Variants in CHFR observed in about 807,000 individuals in gnomAD.
The protein encoded by CHFR is E3 ubiquitin-protein ligase CHFR.
In CHFR, 57 loss-of-function variants were observed where a neutral mutation model predicts 87.6. The observed-to-expected ratio is 0.65, with a 90% confidence interval of 0.53 to 0.81. The LOEUF is 0.81. CHFR is among the 30% of genes least tolerant of loss of function. CHFR has a pLI of 0.00. For missense variants in CHFR, 797 were observed against 865.8 expected (o/e 0.92, Z 1.00); for synonymous variants, 381 against 359.2 (o/e 1.06, Z -0.69).
chr12:132,878,987 G>GT (rs971216710), intron 2 of CHFR, among the ~76,000 whole-genome samples: 209 of 137,582 alleles, frequency 1.5e-3, no homozygotes, highest in Non-Finnish European at 1.5e-3. Flanking sequence ...ATAGGCATTT[G>GT]TTTTTTTTTT....
At chr12:132,866,582 CAACACACCA>C (rs1951345190) in intron 6 of CHFR, 1 of 83,266 alleles carries the variant, frequency 1.2e-5, no homozygotes, top group South Asian at 5.1e-4. Flanking sequence ...CAGAATGTTA[CAACACACCA>C]GAAAGTTACA....
Position 132,844,103 on chromosome 12 carries a change from A to G in CHFR, c.1767T>C (p.Cys589=). The change falls in exon 16 of 18, where the codon TGT becomes TGC. Residue 589 remains cysteine (C), a synonymous_variant. Coordinates refer to ENST00000450056, the MANE Select transcript of CHFR (RefSeq NM_001161346.2). ...DYRVTGDTVL[C]YCCGLRSFRE... Reference sequence around the variant, plus strand: ...GGAAGCTGCGCAGGCCACAGCAGTAACACAGAACGGTGTCTCCCGTGACTC... The same window carrying G: ...GGAAGCTGCGCAGGCCACAGCAGTAGCACAGAACGGTGTCTCCCGTGACTC... 2 of 1,613,704 alleles carry G rather than the reference A, an allele frequency of 1.2e-6. No homozygotes were observed. The highest frequency in any genetic ancestry group is 1.7e-6 in the Non-Finnish European group (2 of 1,179,634).
chr12:132,875,693 T>A (rs1951615383), intron 3 of CHFR, among the ~76,000 whole-genome samples: 1 of 152,096 alleles, frequency 6.6e-6, no homozygotes, highest in South Asian at 2.1e-4. Flanking sequence ...CGAGAAATCA[T>A]CCCAAGAAAA....
intron 3 of CHFR, among the ~76,000 whole-genome samples, chr12:132,873,934 G>A (rs1951555711): frequency 1.3e-5 from 2 of 152,240 alleles, no homozygotes; most frequent in Middle Eastern, 3.4e-3. Context: ...TGACTTTGCC[G>A]CTCACCACAC....
intron 14 of CHFR, chr12:132,847,876 C>T (rs1427935232): frequency 7.1e-7 from 1 of 1,415,668 alleles, no homozygotes; most frequent in South Asian, 1.5e-5. Flanking sequence ...AAACGAAATA[C>T]CTATTTTTGG....
At chr12:132,845,481 T>A (rs28718649) in intron 15 of CHFR, among the ~76,000 whole-genome samples, 3 of 148,260 alleles carry the variant, frequency 2.0e-5, no homozygotes, top group South Asian at 2.1e-4. Context: ...AATAAATAAA[T>A]AAAAATAAAA....
intron 3 of CHFR, among the ~76,000 whole-genome samples, chr12:132,874,303 G>A (rs1288533030): frequency 6.6e-6 from 1 of 152,144 alleles, no homozygotes; most frequent in Non-Finnish European, 1.5e-5. Flanking sequence ...GGACGGCCCA[G>A]GACCAGCACC....
intron 7 of CHFR, 57 bp downstream of exon 7, chr12:132,861,410 C>T: frequency 6.4e-7 from 1 of 1,560,566 alleles, no homozygotes; most frequent in Non-Finnish European, 8.8e-7. Context: ...GGCAGCGGCC[C>T]CCGCATGCCC....
intron 5 of CHFR, among the ~76,000 whole-genome samples, chr12:132,870,260 G>C (rs1391047845): frequency 6.6e-6 from 1 of 152,102 alleles, no homozygotes; most frequent in African/African-American, 2.4e-5. Flanking sequence ...GCTGAGGCAG[G>C]AGAATGGCAT....
rs148014487 is a variant in CHFR, at chr12:132,849,032, C to T, written c.1493-308G>A. 2.1e-4 allele frequency: 60 copies of T among 285,500 alleles called. No individual in the cohort carries two copies. In the East Asian group the frequency reaches 2.1e-3, roughly 10 times the overall value. 17.7% of individuals were successfully genotyped at this position (285,500 alleles called of 1,614,324 possible). On this transcript the variant is annotated intron_variant, in intron 12 of 17. Transcript: ENST00000450056. ...AACAATCACAGCTCACTGCAACCTCCGCCTCCTGGGTTCAAGGGATCCACC... is the reference window on the plus strand; with the variant it reads ...AACAATCACAGCTCACTGCAACCTCTGCCTCCTGGGTTCAAGGGATCCACC...
intron 17 of CHFR, among the ~76,000 whole-genome samples, 196 bp from the exon 18 acceptor site, chr12:132,841,792 C>G (rs1199855168): frequency 6.6e-6 from 1 of 152,180 alleles, no homozygotes; most frequent in Non-Finnish European, 1.5e-5. Flanking sequence ...TTCTTTATCC[C>G]TTTAAAAATT....
In CHFR at chr12:132,837,007, C is replaced by T. The variant is rs372705466; in HGVS notation, c.*4547G>A. On this transcript the variant is annotated 3_prime_UTR_variant, in exon 18 of 18. Transcript: ENST00000450056. ...GCTGGGGGGAAACTAGACTGGCTGG[C>T]GGGGTGGGGGCAGCCCTGCAGGAGC... 5 of 342,912 alleles carry T rather than the reference C, an allele frequency of 1.5e-5. No individual in the cohort carries two copies. Among genetic ancestry groups the T allele is most frequent in the African/African-American group, 6.6e-5 (3 of 45,576 alleles). The allele number at this position is 342,912 out of a possible 1,614,324, so 21.2% of individuals were successfully genotyped here. A position where few individuals can be genotyped will look rare whatever the true frequency, so the allele number is the denominator to read the frequency against.
In CHFR at chr12:132,853,771, C is replaced by T. The variant is rs901977798; in HGVS notation, c.1230-198G>A. 6.4e-5 allele frequency: 37 copies of T among 579,302 alleles called. No homozygotes were observed. The Middle Eastern group carries it at 1.3e-3, about 21-fold the overall frequency. 35.9% of individuals were successfully genotyped at this position (579,302 alleles called of 1,614,324 possible). A position where few individuals can be genotyped will look rare whatever the true frequency, so the allele number is the denominator to read the frequency against. On this transcript the variant is annotated intron_variant, in intron 10 of 17. Transcript: ENST00000450056. Reference sequence around the variant, plus strand: ...CAGAACGAGTCGAAGGGCAAGGACACGCCACTCTGCATCCCCAGCTCAGCC... The same window carrying T: ...CAGAACGAGTCGAAGGGCAAGGACATGCCACTCTGCATCCCCAGCTCAGCC...
In CHFR at chr12:132,844,112, G is replaced by T. The variant is rs115566777; in HGVS notation, c.1758C>A (p.Thr586=). 3 of 1,612,714 alleles carry T rather than the reference G, an allele frequency of 1.9e-6. No individual in the cohort carries two copies. The highest frequency in any genetic ancestry group is 2.5e-6 in the Non-Finnish European group (3 of 1,179,056). The change falls in exon 16 of 18, where the codon ACC becomes ACA. Residue 586 remains threonine, a synonymous_variant. Coordinates refer to ENST00000450056, the MANE Select transcript of CHFR (RefSeq NM_001161346.2). ...LLSDYRVTGD[T]VLCYCCGLRS... is the part of the protein sequence containing the mutation. Reference sequence around the variant, plus strand: ...GCAGGCCACAGCAGTAACACAGAACGGTGTCTCCCGTGACTCTGTAATCTG... The same window carrying T: ...GCAGGCCACAGCAGTAACACAGAACTGTGTCTCCCGTGACTCTGTAATCTG...
At chr12:132,873,786 C>G (rs376073261) in intron 3 of CHFR, among the ~76,000 whole-genome samples, 3 of 152,202 alleles carry the variant, frequency 2.0e-5, no homozygotes, top group Non-Finnish European at 2.9e-5. Context: ...GCCAATCCCC[C>G]CAGATGCCGA....
chr12:132,881,578 T>C (rs534518887), intron 2 of CHFR, among the ~76,000 whole-genome samples: 10 of 152,038 alleles, frequency 6.6e-5, no homozygotes, highest in African/African-American at 1.9e-4. Context: ...CTGAAAATAC[T>C]GACCACGGGC....
rs922349468 is a variant in CHFR at position 132,838,329 on chromosome 12, C to T, written c.*3225G>A. The T allele has an allele frequency of 6.6e-6, 1 of 152,306 alleles. No individual in the cohort carries two copies. Among genetic ancestry groups the T allele is most frequent in the Non-Finnish European group, 1.5e-5 (1 of 68,088 alleles). 9.4% of individuals were successfully genotyped at this position (152,306 alleles called of 1,614,324 possible). A position where few individuals can be genotyped will look rare whatever the true frequency, so the allele number is the denominator to read the frequency against. Reference sequence around the variant, plus strand: ...GGAGGGTTGGCCTGAATCCCTCAGTCTGTTTTAAGCCAATCTGCCCAGACT... The same window carrying T: ...GGAGGGTTGGCCTGAATCCCTCAGTTTGTTTTAAGCCAATCTGCCCAGACT... On this transcript the variant is annotated 3_prime_UTR_variant, in exon 18 of 18. Transcript: ENST00000450056.
chr12:132,863,226 T>A (rs1387296332), intron 6 of CHFR, among the ~76,000 whole-genome samples: 29 of 134,614 alleles, frequency 2.2e-4, no homozygotes, highest in African/African-American at 4.9e-4. Flanking sequence ...AAAAAAAAAA[T>A]GCCAGGCGCG....
chr12:132,856,576 G>A lies in CHFR; in HGVS notation c.1121C>T (p.Thr374Ile), dbSNP rs760238279. The A allele has an allele frequency of 5.0e-5, 81 of 1,614,082 alleles. No individual in the cohort carries two copies. The highest frequency in any genetic ancestry group is 6.6e-5 in the Non-Finnish European group (78 of 1,180,014). Residue 374 changes from threonine to isoleucine, a missense_variant, in exon 10 of 18, where the codon ACT becomes ATT. By Grantham distance (89) the Thr-to-Ile change is moderately conservative (BLOSUM62 -1). Transcript: ENST00000450056. ...GACTTTGGGCTGCAGCATGTCTTGA[G>A]TGATTTTATTTCTGGCATCCATACT... ...VQSMDARNKI[T>I]QDMLQPKVRR...
Sources: allele counts gnomAD v4.1 joint callset (sites outside exome capture counted in the v4.1 genomes callset), GRCh38; gene constraint gnomAD v4.1.1; transcripts MANE v1.5; gene names NCBI Gene and HGNC (gene_info 2026-07-23, HGNC 2026-07-21).